Variants in MYO1G observed in about 807,000 individuals in gnomAD.
MYO1G encodes myosin IG.
MYO1G carries 65 observed loss-of-function variants against 115.3 expected under a neutral mutation model. The ratio of observed to expected loss-of-function variants is 0.56; its 90% CI spans 0.46 to 0.69. MYO1G has a LOEUF of 0.69. Among genes scored for constraint, MYO1G ranks in the 30% least tolerant of loss-of-function variants. The pLI is 0.00. For missense variants in MYO1G, 1,204 were observed against 1,393.5 expected (o/e 0.86, Z 2.16); for synonymous variants, 510 against 552.6 (o/e 0.92, Z 1.08).
Position 44,976,917 on chromosome 7 carries a change from C to CG in MYO1G, c.249dup (p.Ala84ArgfsTer30), listed in dbSNP as rs1795061387. Reference sequence around the variant, plus strand: ...CGGTGCTTCATTGCCTTGTAGGCGGCGTTGGCCACAGCATAGAGATGGGGT... The same window carrying CG: ...CGGTGCTTCATTGCCTTGTAGGCGGCGGTTGGCCACAGCATAGAGATGGGGT... On this transcript the variant is annotated frameshift_variant, in exon 2 of 22. Transcript: ENST00000258787. LOFTEE classifies it high-confidence loss of function. The CG allele has an allele frequency of 1.2e-6, 2 of 1,613,560 alleles. No homozygotes were observed. The highest frequency in any genetic ancestry group is 1.7e-5 in the Admixed American group (1 of 60,028).
At chr7:44,974,047 C>T (rs564460327) in intron 5 of MYO1G, 3 of 151,846 alleles carry the variant, frequency 2.0e-5, no homozygotes, top group East Asian at 3.9e-4. Flanking sequence ...TGAGCTCCCA[C>T]CTCAGTGCAG....
chr7:44,971,743 A>G lies in MYO1G; in HGVS notation c.776T>C (p.Met259Thr). The G allele has an allele frequency of 1.3e-6, 2 of 1,555,748 alleles. No homozygotes were observed. Among genetic ancestry groups the G allele is most frequent in the Non-Finnish European group, 1.7e-6 (2 of 1,149,122 alleles). ...TTCAGGACTGAAGCCGATGACCCTC[A>G]TGGCCTCGGTCACTGCCTGGTGGCT... is the stretch of plus-strand genomic sequence containing the variant. ...EQSHQAVTEA[M>T]RVIGFSPEEV... The change falls in exon 7 of 22, where the codon ATG becomes ACG. Residue 259 changes from methionine (M) to threonine (T), a missense_variant. Physicochemically the swap from Met to Thr is moderately conservative, Grantham distance 81. Transcript: ENST00000258787.
rs911528374 is a variant in MYO1G at position 44,972,651 on chromosome 7, G to A, written c.619-426C>T. 7 of 172,628 alleles carry A rather than the reference G, an allele frequency of 4.1e-5. No homozygotes were observed. The South Asian group carries it at 4.3e-4, about 11-fold the overall frequency. 10.7% of individuals were successfully genotyped at this position (172,628 alleles called of 1,614,324 possible). On this transcript the variant is annotated intron_variant, in intron 5 of 21. Coordinates refer to ENST00000258787, the MANE Select transcript of MYO1G (RefSeq NM_033054.3). ...CAGAATCCTAGGGAGCTCCACTTCA[G>A]TGGGAGCTCAGAGTTACTGGAGACC...
At chr7:44,972,707 G>C (rs374041360) in intron 5 of MYO1G, 1 of 174,550 alleles carries the variant, frequency 5.7e-6, no homozygotes, top group Non-Finnish European at 1.2e-5. Context: ...TCCCACCTCA[G>C]TAGGGAGCAC....
chr7:44,965,079 G>C lies in MYO1G; in HGVS notation c.2392C>G (p.Arg798Gly), dbSNP rs922704991. Residue 798 changes from arginine to glycine, a missense_variant, in exon 18 of 22, where the codon CGG (arginine) becomes GGG (glycine). Arg to Gly is a moderately radical substitution (Grantham distance 125, BLOSUM62 -2). Transcript: ENST00000258787. ...CHALFCRWRA[R>G]QLVKNIPPSD... Reference sequence around the variant, plus strand: ...GGGGGGATGTTCTTCACCAGCTGCCGGGCCCGCCACCTGGGAGAGGGCATG... The same window carrying C: ...GGGGGGATGTTCTTCACCAGCTGCCCGGCCCGCCACCTGGGAGAGGGCATG... 6.2e-7 allele frequency: 1 copy of C among 1,606,258 alleles called. No homozygotes were observed. The highest frequency in any genetic ancestry group is 8.5e-7 in the Non-Finnish European group (1 of 1,174,488).
rs758264063 is a variant in MYO1G at position 44,969,875 on chromosome 7, C to T, written c.1333G>A (p.Val445Ile). The T allele has an allele frequency of 1.9e-6, 3 of 1,602,670 alleles. No homozygotes were observed. Among genetic ancestry groups the T allele is most frequent in the East Asian group, 2.2e-5 (1 of 44,752 alleles). Residue 445 changes from valine to isoleucine, a missense_variant and splice_region_variant, in exon 11 of 22, where the codon GTT (valine) becomes ATT (isoleucine). Transcript: ENST00000258787. This position sits in a 1 kb window ranked among gnomAD's most constrained non-coding sequence, Gnocchi z 5.0. The part of the protein sequence containing the change: ...YEREGITWQS[V>I]EYFNNATIVD... ...ATGGTGGCGTTGTTGAAATACTCAA[C>T]CTGGGGCAAAGGCAGCCAGCAAGGA...
chr7:44,970,474 G>T, intron 9 of MYO1G, 118 bp downstream of exon 9: 5 of 1,384,322 alleles, frequency 3.6e-6, no homozygotes, highest in East Asian at 2.4e-5. Flanking sequence ...TTGGGCCCAG[G>T]GACCAGCCGG....
Position 44,966,945 on chromosome 7 carries a change from G to T in MYO1G, c.1783-107C>A. ...CTCAAGGTCCCAGGCCAGGAGAAGA[G>T]TTGGGAACAAAGAAGGGAAATCAGC... On this transcript the variant is annotated intron_variant, in intron 14 of 21. Coordinates refer to ENST00000258787, the MANE Select transcript of MYO1G (RefSeq NM_033054.3). This position sits in a 1 kb window ranked among gnomAD's most constrained non-coding sequence, Gnocchi z 5.0. The T allele has an allele frequency of 8.0e-7, 1 of 1,245,264 alleles. No individual in the cohort carries two copies. The allele number at this position is 1,245,264 out of a possible 1,614,324, so 77.1% of individuals were successfully genotyped here. A position where few individuals can be genotyped will look rare whatever the true frequency, so the allele number is the denominator to read the frequency against.
chr7:44,971,871 T>C lies in MYO1G; in HGVS notation c.730-82A>G, dbSNP rs774714685. 393 of 1,071,288 alleles carry C rather than the reference T, an allele frequency of 3.7e-4. 1 individual carries two copies. The highest frequency in any genetic ancestry group is 4.0e-4 in the Non-Finnish European group (288 of 725,432). 66.4% of individuals were successfully genotyped at this position (1,071,288 alleles called of 1,614,324 possible). A position where few individuals can be genotyped will look rare whatever the true frequency, so the allele number is the denominator to read the frequency against. ...CCCTTGAGGCTTGATTCCTCCATCC[T>C]AGGCACCTGCTCACCCCTGTCCCCT... On this transcript the variant is annotated intron_variant, in intron 6 of 21. Coordinates refer to ENST00000258787, the MANE Select transcript of MYO1G (RefSeq NM_033054.3).
intron 12 of MYO1G, among the ~76,000 whole-genome samples, chr7:44,968,163 C>T (rs1256922113): frequency 1.3e-5 from 2 of 152,212 alleles, no homozygotes; most frequent in Non-Finnish European, 2.9e-5. Context: ...CCTCAGGAGA[C>T]ATTTCTCTCC....
At chr7:44,977,156 C>T (rs1012818479) in intron 1 of MYO1G, 85 bp from the exon 2 acceptor site, 27 of 1,313,668 alleles carry the variant, frequency 2.1e-5, no homozygotes, top group Non-Finnish European at 2.5e-5. Flanking sequence ...CAGGGCCTGG[C>T]CCCAGTAGGC....
intron 5 of MYO1G, 166 bp from the exon 6 acceptor site, chr7:44,972,391 C>G: frequency 1.6e-6 from 1 of 607,872 alleles, no homozygotes; most frequent in Admixed American, 2.4e-5. Context: ...AGCAAGCTCC[C>G]CATTCAGCTG....
Position 44,965,849 on chromosome 7 carries a change from G to A in MYO1G, c.2169C>T (p.Gly723=), listed in dbSNP as rs780145334. Residue 723 remains glycine (G), a synonymous_variant, in exon 17 of 22, where the codon GGC becomes GGT. Transcript: ENST00000258787. ...IVLLLQKAWR[G]TLARWRCRRL... ...TCCGGCAGCGCCACCTCGCCAAGGT[G>A]CCCCGCCATGCCTGGGTGGGCCAGG... 1.8e-5 allele frequency: 29 copies of A among 1,595,632 alleles called. No individual in the cohort carries two copies. The highest frequency in any genetic ancestry group is 1.8e-4 in the South Asian group (16 of 90,658).
At chr7:44,968,132 T>G (rs777217490) in intron 12 of MYO1G, among the ~76,000 whole-genome samples, 174 bp from the exon 13 acceptor site, 2 of 152,150 alleles carry the variant, frequency 1.3e-5, no homozygotes, top group South Asian at 4.1e-4. Context: ...TGCTTTCTCT[T>G]TCGTCATGTA....
At chr7:44,978,163 C>T (rs1030941343) in intron 1 of MYO1G, among the ~76,000 whole-genome samples, 2 of 152,232 alleles carry the variant, frequency 1.3e-5, no homozygotes, top group African/African-American at 2.4e-5. Flanking sequence ...AGCGAGTGGC[C>T]TTCTGCCCCT....
rs545089150 is a variant in MYO1G, at chr7:44,964,856, A to C, written c.2526+89T>G. 6.6e-7 allele frequency: 1 copy of C among 1,518,304 alleles called. No individual in the cohort carries two copies. The highest frequency in any genetic ancestry group is 1.4e-5 in the African/African-American group (1 of 72,354). The allele number at this position is 1,518,304 out of a possible 1,614,324, so 94.1% of individuals were successfully genotyped here. ...GACAACCCCAGGCCTGGGAGAGGAC[A>C]TCTGAGGGGACCTGGTCACAGCATT... On this transcript the variant is annotated intron_variant, in intron 18 of 21. Coordinates refer to ENST00000258787, the MANE Select transcript of MYO1G (RefSeq NM_033054.3). This position sits in a 1 kb window ranked among gnomAD's most constrained non-coding sequence, Gnocchi z 5.1.
chr7:44,968,539 C>T (rs1392406399), intron 12 of MYO1G: 1 of 150,346 alleles, frequency 6.7e-6, no homozygotes, highest in African/African-American at 2.5e-5. Context: ...TAGTCTCACT[C>T]TCTTGCCCAG....
intron 5 of MYO1G, chr7:44,973,736 G>A (rs959287553): frequency 6.6e-6 from 1 of 151,464 alleles, no homozygotes; most frequent in African/African-American, 2.4e-5. Flanking sequence ...AGAGTCATTA[G>A]AGACAATGCC....
chr7:44,970,901 G>GCCTCC lies in MYO1G; in HGVS notation c.1000_1004dup (p.Arg336GlufsTer6). On this transcript the variant is annotated frameshift_variant, in exon 8 of 22. Transcript: ENST00000258787. LOFTEE classifies it high-confidence loss of function. ...TGTGGCCCTTCTCTATGAGTTCCCT[G>GCCTCC]CCTCCCGAGGCAACTGTGCGAGCCA... The GCCTCC allele has an allele frequency of 6.2e-7, 1 of 1,613,500 alleles. No homozygotes were observed. The highest frequency in any genetic ancestry group is 8.5e-7 in the Non-Finnish European group (1 of 1,180,018).
Sources: gnomAD v4.1 joint callset for allele counts (sites outside exome capture counted in the v4.1 genomes callset) on GRCh38, gnomAD v4.1.1 for gene constraint, Gnocchi (gnomAD v3.1) non-coding constraint, MANE v1.5 for transcripts, NCBI Gene and HGNC (gene_info 2026-07-23, HGNC 2026-07-21) for gene names.